Variants in CTNND2 observed in about 807,000 individuals in gnomAD.
CTNND2 encodes catenin delta 2.
In CTNND2, 22 loss-of-function variants were observed where a neutral mutation model predicts 144.4. The observed-to-expected ratio is 0.15, with a 90% CI of 0.11 to 0.22. The LOEUF (loss-of-function observed/expected upper bound fraction) is 0.22. Among genes scored for constraint, CTNND2 ranks in the 10% least tolerant of loss-of-function variants. The pLI is 1.00. For missense variants in CTNND2, 1,353 were observed against 1,618.8 expected, an observed-to-expected ratio of 0.84 and a Z score of 2.82; for synonymous variants, 751 against 695.6, an observed-to-expected ratio of 1.08 and a Z score of -1.25.
chr5:11,049,205 T>C (rs1391727563), intron 16 of CTNND2, among the ~76,000 whole-genome samples: 1 of 152,158 alleles, frequency 6.6e-6, no homozygotes, highest in African/African-American at 2.4e-5. Context: ...AGCCTCCTGA[T>C]ATCTATTCCA....
At chr5:11,181,603 G>T (rs766494558) in intron 11 of CTNND2, among the ~76,000 whole-genome samples, 1 of 152,136 alleles carries the variant, frequency 6.6e-6, no homozygotes. Flanking sequence ...TGGTAGAGCA[G>T]GATGGTAGGG....
chr5:11,237,597 C>T (rs988155346), intron 9 of CTNND2, among the ~76,000 whole-genome samples: 1 of 151,658 alleles, frequency 6.6e-6, no homozygotes, highest in African/African-American at 2.4e-5. Context: ...AACTCCTGGG[C>T]TCAAGCGATC....
intron 2 of CTNND2, among the ~76,000 whole-genome samples, chr5:11,656,746 G>A (rs1782937011): frequency 6.6e-6 from 1 of 152,134 alleles, no homozygotes; most frequent in Non-Finnish European, 1.5e-5. Context: ...CCGTAACAGT[G>A]AGGAAAGGAA....
chr5:11,852,039 A>AC (rs1554131340), intron 1 of CTNND2, among the ~76,000 whole-genome samples: 1 of 152,102 alleles, frequency 6.6e-6, no homozygotes, highest in Non-Finnish European at 1.5e-5. Context: ...CAATTAACTT[A>AC]CGTCTCTTAA....
At chr5:11,515,575 G>C (rs547776648) in intron 3 of CTNND2, among the ~76,000 whole-genome samples, 2 of 152,200 alleles carry the variant, frequency 1.3e-5, no homozygotes, top group South Asian at 4.2e-4. Context: ...GAATTTCTTT[G>C]TATTTAGTAA....
intron 10 of CTNND2, among the ~76,000 whole-genome samples, chr5:11,225,927 G>A (rs1740289484): frequency 6.6e-6 from 1 of 152,186 alleles, no homozygotes; most frequent in Non-Finnish European, 1.5e-5. Flanking sequence ...GAGGAGAAGA[G>A]ATACAGAAAG....
intron 2 of CTNND2, among the ~76,000 whole-genome samples, chr5:11,691,054 A>AAATGTGAAT (rs1487875490): frequency 1.3e-5 from 2 of 152,112 alleles, no homozygotes; most frequent in Non-Finnish European, 2.9e-5. Context: ...AAGAACAAAA[A>AAATGTGAAT]AATGTGAATA....
intron 1 of CTNND2, among the ~76,000 whole-genome samples, chr5:11,794,859 G>A (rs937560151): frequency 3.3e-5 from 5 of 152,144 alleles, no homozygotes; most frequent in Non-Finnish European, 7.4e-5. Context: ...TTTGCATCTG[G>A]AATGGTTTAA....
At chr5:11,671,101 G>GCC (rs1379033124) in intron 2 of CTNND2, among the ~76,000 whole-genome samples, 1 of 152,112 alleles carries the variant, frequency 6.6e-6, no homozygotes, top group Non-Finnish European at 1.5e-5. Flanking sequence ...TTGAATACTG[G>GCC]CCCCCCATCT....
At chr5:11,589,984 G>A (rs1343633293) in intron 2 of CTNND2, among the ~76,000 whole-genome samples, 1 of 151,932 alleles carries the variant, frequency 6.6e-6, no homozygotes, top group Non-Finnish European at 1.5e-5. Context: ...GAAAAGGGCT[G>A]TATTTAGTAT....
rs141695411 is a variant in CTNND2, at chr5:11,418,040, T to C, written c.288-5971A>G. Among the ~76,000 whole-genome samples, 4 of 152,198 alleles carry C rather than the reference T, an allele frequency of 2.6e-5. No homozygotes were observed. The East Asian group carries it at 7.7e-4, about 29-fold the overall frequency. ...TATTTGTTGCACCCAAATAAGCTGATATTAACTTGTTATAACATGTCTGAA... is the reference window on the plus strand; with the variant it reads ...TATTTGTTGCACCCAAATAAGCTGACATTAACTTGTTATAACATGTCTGAA... On this transcript the variant is annotated intron_variant, in intron 3 of 21. Transcript: ENST00000304623.
chr5:11,066,101 G>A (rs1321568602), intron 16 of CTNND2, among the ~76,000 whole-genome samples: 1 of 150,152 alleles, frequency 6.7e-6, no homozygotes, highest in East Asian at 2.0e-4. Context: ...GTGCAGTGGT[G>A]TGATCTCAGC....
At chr5:11,181,407 C>T (rs573644720) in intron 11 of CTNND2, among the ~76,000 whole-genome samples, 84 of 152,170 alleles carry the variant, frequency 5.5e-4, no homozygotes, top group African/African-American at 1.6e-3. Flanking sequence ...CCACTTTGCC[C>T]GGGAAGCAGC....
chr5:11,575,031 T>C (rs1777868113), intron 2 of CTNND2, among the ~76,000 whole-genome samples: 1 of 152,212 alleles, frequency 6.6e-6, no homozygotes, highest in Non-Finnish European at 1.5e-5. Flanking sequence ...TCACATTACT[T>C]CATTTAATTG....
At chr5:11,828,758 A>C in intron 1 of CTNND2, among the ~76,000 whole-genome samples, 1 of 152,274 alleles carries the variant, frequency 6.6e-6, no homozygotes, top group Non-Finnish European at 1.5e-5. Flanking sequence ...GTAAATTGGT[A>C]CCAGGAGTGG....
chr5:11,265,497 G>T (rs1014766459), intron 9 of CTNND2, among the ~76,000 whole-genome samples: 3 of 152,000 alleles, frequency 2.0e-5, no homozygotes, highest in African/African-American at 4.8e-5. Flanking sequence ...CACTGCAGAC[G>T]GGCCTTTTAC....
chr5:11,564,978 G>A lies in CTNND2; in HGVS notation c.253C>T (p.Leu85Phe), dbSNP rs1776962062. Residue 85 changes from leucine (L) to phenylalanine (F), a missense_variant, in exon 3 of 22, where the codon CTC becomes TTC. Leu to Phe is a conservative substitution (Grantham distance 22). Transcript: ENST00000304623. ...CTCATGCTGCCAGTCTCGGATCCGA[G>A]CTTGCATCGCTCCAGCTGGCTGGCT... ...IVASQLERCK[L>F]GSETGSMSSM... The A allele has an allele frequency of 6.2e-7, 1 of 1,614,070 alleles. No homozygotes were observed. The highest frequency in any genetic ancestry group is 8.5e-7 in the Non-Finnish European group (1 of 1,179,940).
At chr5:11,365,414 C>A (rs1191586561) in intron 7 of CTNND2, among the ~76,000 whole-genome samples, 2 of 152,164 alleles carry the variant, frequency 1.3e-5, no homozygotes, top group African/African-American at 4.8e-5. Context: ...CAGCCTAAAT[C>A]CCCGAGAGAA....
intron 2 of CTNND2, among the ~76,000 whole-genome samples, chr5:11,691,094 G>A (rs939277063): frequency 1.3e-5 from 2 of 152,084 alleles, no homozygotes; most frequent in Non-Finnish European, 2.9e-5. Context: ...AATAATGGCC[G>A]GGCGCGGTGG....
Sources: allele counts gnomAD v4.1 joint callset (sites outside exome capture counted in the v4.1 genomes callset), GRCh38; gene constraint gnomAD v4.1.1; transcripts MANE v1.5; gene names NCBI Gene and HGNC (gene_info 2026-07-23, HGNC 2026-07-21).